CCNC: variants seen among roughly 807,000 people sequenced by gnomAD.
CCNC encodes the protein cyclin-C.
A neutral mutation model predicts 50.0 loss-of-function variants in CCNC; 19 were observed. That is an observed-to-expected ratio of 0.38 (90% CI 0.27 to 0.56). The LOEUF is 0.56. Among genes scored for constraint, CCNC ranks in the 20% least tolerant of loss-of-function variants. CCNC has a pLI of 0.72. For synonymous variants in CCNC, 93 were observed against 103.7 expected, an observed-to-expected ratio of 0.90 and a Z score of 0.63; for missense variants, 200 against 327.1, an observed-to-expected ratio of 0.61 and a Z score of 3.00.
chr6:99,552,720 G>A (rs906886014), intron 5 of CCNC, among the ~76,000 whole-genome samples: 1 of 152,140 alleles, frequency 6.6e-6, no homozygotes, highest in African/African-American at 2.4e-5. Flanking sequence ...TTTGTACAAA[G>A]CCCAAGTGAT....
intron 1 of CCNC, among the ~76,000 whole-genome samples, chr6:99,567,195 A>T (rs747773374): frequency 4.5e-5 from 5 of 112,160 alleles, no homozygotes; most frequent in Admixed American, 9.7e-5. Flanking sequence ...TTTTTTTTTT[A>T]AGTTGAAAAA....
chr6:99,544,796 T>C (rs754639213), intron 11 of CCNC, among the ~76,000 whole-genome samples: 3 of 150,084 alleles, frequency 2.0e-5, no homozygotes, highest in Non-Finnish European at 3.0e-5. Flanking sequence ...ATGAAACTAC[T>C]ATAGTTCTGA....
chr6:99,548,161 TAA>T (rs1802146236), intron 9 of CCNC, among the ~76,000 whole-genome samples: 1 of 152,054 alleles, frequency 6.6e-6, no homozygotes, highest in East Asian at 1.9e-4. Flanking sequence ...CTTGGCTAAA[TAA>T]AGAGATTTAA....
intron 5 of CCNC, among the ~76,000 whole-genome samples, chr6:99,554,090 A>G (rs1017677327): frequency 1.3e-5 from 2 of 151,324 alleles, no homozygotes; most frequent in African/African-American, 4.9e-5. Flanking sequence ...CTTGTTTTTG[A>G]TGACTTTGAC....
chr6:99,561,551 C>G, intron 3 of CCNC, 46 bp downstream of exon 3: 1 of 1,417,456 alleles, frequency 7.1e-7, no homozygotes, highest in Non-Finnish European at 9.9e-7. Context: ...TAAGGTTCAT[C>G]AACATTAGAT....
upstream of CCNC, chr6:99,568,777 G>A: frequency 4.8e-6 from 6 of 1,259,104 alleles, no homozygotes; most frequent in Non-Finnish European, 5.2e-6. Flanking sequence ...GGAGCCGGAG[G>A]GGAGGTGCTG....
chr6:99,552,027 G>A (rs1193440412), intron 5 of CCNC, 132 bp from the exon 6 acceptor site: 3 of 495,426 alleles, frequency 6.1e-6, no homozygotes, highest in African/African-American at 6.0e-5. Flanking sequence ...AACACTTACG[G>A]ACGCAGATTT....
At chr6:99,547,752 C>G (rs1249476543) in intron 9 of CCNC, among the ~76,000 whole-genome samples, 1 of 152,094 alleles carries the variant, frequency 6.6e-6, no homozygotes, top group Non-Finnish European at 1.5e-5. Flanking sequence ...CAGGTGAAAC[C>G]ACTAGCCTAG....
At position 99,556,910 on chromosome 6, in the gene CCNC, G is replaced by C. The variant is rs185200903; in HGVS notation, c.346+1587C>G. ...CACTCCAGCCTGGGCGGCTGAGCGAGACTCCATCTCAAATAACTAACTTTC... is the reference window on the plus strand; with the variant it reads ...CACTCCAGCCTGGGCGGCTGAGCGACACTCCATCTCAAATAACTAACTTTC... On this transcript the variant is annotated intron_variant, in intron 5 of 11. Coordinates refer to ENST00000520429, the MANE Select transcript of CCNC (RefSeq NM_005190.4). Among the ~76,000 whole-genome samples, 1,424 of 152,318 alleles carry C rather than the reference G, an allele frequency of 9.3e-3. 15 individuals are homozygous for C. Among genetic ancestry groups the C allele is most frequent in the Non-Finnish European group, 0.014 (986 of 68,024 alleles).
intron 1 of CCNC, 55 bp downstream of exon 1, chr6:99,568,441 T>C: frequency 6.4e-7 from 1 of 1,551,204 alleles, no homozygotes; most frequent in Non-Finnish European, 8.9e-7. Context: ...ACAGGCCCCG[T>C]CCTCACAGCT....
chr6:99,567,906 G>A (rs1233055282), intron 1 of CCNC, among the ~76,000 whole-genome samples: 2 of 152,148 alleles, frequency 1.3e-5, no homozygotes, highest in Non-Finnish European at 2.9e-5. Flanking sequence ...ATAAAGCACA[G>A]GCTAATGAAA....
At chr6:99,546,698 T>C (rs929334313) in intron 9 of CCNC, among the ~76,000 whole-genome samples, 4 of 152,160 alleles carry the variant, frequency 2.6e-5, no homozygotes, top group Non-Finnish European at 5.9e-5. Context: ...CACTGCGTGC[T>C]AGTCATGGTG....
intron 1 of CCNC, among the ~76,000 whole-genome samples, chr6:99,565,527 T>C (rs1319656109): frequency 6.6e-6 from 1 of 152,080 alleles, no homozygotes; most frequent in Non-Finnish European, 1.5e-5. Context: ...TTTCCACGTA[T>C]TGATAATTTT....
chr6:99,551,761 ATTAAAT>A, intron 6 of CCNC, 73 bp downstream of exon 6: 2 of 885,756 alleles, frequency 2.3e-6, no homozygotes, highest in Non-Finnish European at 3.2e-6. Flanking sequence ...CTAGGAAACT[ATTAAAT>A]TTAGTCTAAT....
intron 1 of CCNC, 86 bp downstream of exon 1, chr6:99,568,410 G>C (rs1156236411): frequency 7.5e-7 from 1 of 1,325,766 alleles, no homozygotes; most frequent in Non-Finnish European, 1.1e-6. Flanking sequence ...AACTGAGCTG[G>C]GATCCAGGCC....
intron 5 of CCNC, among the ~76,000 whole-genome samples, chr6:99,555,114 C>T (rs147590517): frequency 4.8e-4 from 73 of 152,262 alleles, no homozygotes; most frequent in African/African-American, 1.7e-3. Context: ...GAATTGTTAA[C>T]TTGTACACCC....
At chr6:99,567,085 C>T (rs1287173230) in intron 1 of CCNC, 1 of 280,052 alleles carries the variant, frequency 3.6e-6, no homozygotes, top group Non-Finnish European at 7.2e-6. Context: ...GTACACTTAA[C>T]TTTATAATAA....
At chr6:99,546,363 A>C in intron 10 of CCNC, 32 bp downstream of exon 10, 1 of 1,401,836 alleles carries the variant, frequency 7.1e-7, no homozygotes, top group Non-Finnish European at 1.0e-6. Flanking sequence ...TAATTTTTAA[A>C]CATCCAAGTT....
intron 10 of CCNC, among the ~76,000 whole-genome samples, chr6:99,546,022 G>A (rs1017249640): frequency 6.6e-6 from 1 of 151,746 alleles, no homozygotes; most frequent in Non-Finnish European, 1.5e-5. Context: ...AGGCTCGCGT[G>A]CAGTGGCACG....
Sources: allele counts gnomAD v4.1 joint callset (sites outside exome capture counted in the v4.1 genomes callset), GRCh38; gene constraint gnomAD v4.1.1; transcripts MANE v1.5; gene names NCBI Gene and HGNC (gene_info 2026-07-23, HGNC 2026-07-21).